Variants in HARS1 observed in about 807,000 individuals in gnomAD.
HARS1 encodes the protein histidyl-tRNA synthetase 1.
Under a neutral mutation model 63.6 loss-of-function variants are expected in HARS1, and 45 were observed. The ratio of observed to expected loss-of-function variants is 0.71; its 90% CI spans 0.56 to 0.91. HARS1 has a LOEUF of 0.91. Among genes scored for constraint, HARS1 ranks in the 40% least tolerant of loss-of-function variants. HARS1 has a pLI of 0.00. For missense variants in HARS1, 508 were observed against 643.2 expected (o/e 0.79, Z 2.27); for synonymous variants, 205 against 247.1 (o/e 0.83, Z 1.60).
intron 2 of HARS1, chr5:140,683,619 G>A (rs769941782): frequency 6.3e-6 from 2 of 319,608 alleles, no homozygotes; most frequent in African/African-American, 2.2e-5. Context: ...ATTGCCTGAG[G>A]TCAGGGGTTC....
intron 2 of HARS1, among the ~76,000 whole-genome samples, chr5:140,685,933 T>G (rs1012786816): frequency 6.8e-6 from 1 of 146,206 alleles, no homozygotes; most frequent in African/African-American, 2.5e-5. Flanking sequence ...AAGAAAGTCT[T>G]TTTTTTTTTT....
rs1026520403 is a variant in HARS1 at position 140,674,253 on chromosome 5, C to T, written c.*4G>A. On this transcript the variant is annotated 3_prime_UTR_variant, in exon 13 of 13. Transcript: ENST00000504156. ...ACTTCCTTTCCTCTGATAGTTTGTTCAGTTCAGCAGATGCAGAGGGGCTGG... is the reference window on the plus strand; with the variant it reads ...ACTTCCTTTCCTCTGATAGTTTGTTTAGTTCAGCAGATGCAGAGGGGCTGG... 2 of 1,582,846 alleles carry T rather than the reference C, an allele frequency of 1.3e-6. No homozygotes were observed. Among genetic ancestry groups the T allele is most frequent in the Non-Finnish European group, 1.7e-6 (2 of 1,151,620 alleles).
Position 140,674,824 on chromosome 5 carries a change from G to A in HARS1, c.1313C>T (p.Ala438Val). ...VSELWDAGIKAELLYKKNPKL... is the reference protein window; with the variant it reads ...VSELWDAGIKVELLYKKNPKL... ...TGGGTTCTTCTTGTACAGCAGCTCA[G>A]CCTGCAGGGGACAAGAGCAGAAGAT... The change falls in exon 12 of 13, where the codon GCT becomes GTT. Residue 438 changes from alanine to valine, a missense_variant and splice_region_variant. This residue lies in a region of HARS1 where 403 missense variants were observed against 548.7 expected (regional missense o/e 0.73). Coordinates refer to ENST00000504156, the MANE Select transcript of HARS1 (RefSeq NM_002109.6). The A allele has an allele frequency of 6.2e-7, 1 of 1,614,172 alleles. No homozygotes were observed. Among genetic ancestry groups the A allele is most frequent in the Non-Finnish European group, 8.5e-7 (1 of 1,180,022 alleles).
chr5:140,690,519 C>T (rs59925457), intron 2 of HARS1, among the ~76,000 whole-genome samples: 29,357 of 152,162 alleles, frequency 0.19, 3,344 homozygotes, highest in East Asian at 0.3. Context: ...AATGTAAGCT[C>T]CATGAGGGTA....
Position 140,691,289 on chromosome 5 carries a change from C to G in HARS1, c.16G>C (p.Ala6Pro), listed in dbSNP as rs530759208. 1 of 1,606,926 alleles carries G rather than the reference C, an allele frequency of 6.2e-7. No homozygotes were observed. The highest frequency in any genetic ancestry group is 1.3e-5 in the African/African-American group (1 of 75,006). Residue 6 changes from alanine (A) to proline (P), a missense_variant, in exon 1 of 13, where the codon GCG becomes CCG. Ala to Pro is a conservative substitution (Grantham distance 27, BLOSUM62 -1). This residue lies in a region of HARS1 where 105 missense variants were observed against 94.5 expected (regional missense o/e 1.11). Transcript: ENST00000504156. MAERA[A>P]LEELVKLQGE... ...TGAAGTTTCACCAGCTCCTCCAGCG[C>G]CGCACGCTCTGCCATCCCGGCTGTC...
At position 140,690,844 on chromosome 5, in the gene HARS1, AATG is replaced by A; in HGVS notation, c.180+8_180+10del. ...GACTTTCTCAGTGGCTCCCTACAGG[AATG>A]ATATTACCTTGGGGGTTTTGAGCAC... On this transcript the variant is annotated splice_region_variant and intron_variant, in intron 2 of 12. Transcript: ENST00000504156. The A allele has an allele frequency of 1.4e-6, 2 of 1,464,192 alleles. No individual in the cohort carries two copies. The highest frequency in any genetic ancestry group is 9.6e-7 in the Non-Finnish European group (1 of 1,043,092). The allele number at this position is 1,464,192 out of a possible 1,614,324, so 90.7% of individuals were successfully genotyped here.
Position 140,674,288 on chromosome 5 carries a change from C to T in HARS1, c.1499G>A (p.Arg500Lys). The T allele has an allele frequency of 1.2e-6, 2 of 1,612,582 alleles. No individual in the cohort carries two copies. The highest frequency in any genetic ancestry group is 1.7e-6 in the Non-Finnish European group (2 of 1,178,612). ...RREDLVEEIKRRTGQPLCIC is the reference protein window; with the variant it reads ...RREDLVEEIKKRTGQPLCIC ...GATGCAGAGGGGCTGGCCTGTTCTCCTTTTGATTTCCTCCACAAGGTCTTC... is the reference window on the plus strand; with the variant it reads ...GATGCAGAGGGGCTGGCCTGTTCTCTTTTTGATTTCCTCCACAAGGTCTTC... The change falls in exon 13 of 13, where the codon AGG (arginine) becomes AAG (lysine). Residue 500 changes from arginine to lysine, a missense_variant. Coordinates refer to ENST00000504156, the MANE Select transcript of HARS1 (RefSeq NM_002109.6).
At position 140,679,839 on chromosome 5, in the gene HARS1, A is replaced by G. The variant is rs771201777; in HGVS notation, c.345T>C (p.Tyr115=). ...GCTCCCCGCCCTGGTCCTTCAGGTC[A>G]TAGATAAGCTTGGAGTCTTCCCCAT... The part of the protein sequence containing the change: ...GKYGEDSKLI[Y]DLKDQGGELL... The change falls in exon 4 of 13, where the codon TAT becomes TAC. Residue 115 remains tyrosine (Y), a synonymous_variant. Coordinates refer to ENST00000504156, the MANE Select transcript of HARS1 (RefSeq NM_002109.6). This position sits in a 1 kb window ranked among gnomAD's most constrained non-coding sequence, Gnocchi z 4.3. 1.2e-6 allele frequency: 2 copies of G among 1,610,478 alleles called. No individual in the cohort carries two copies. Among genetic ancestry groups the G allele is most frequent in the Non-Finnish European group, 1.7e-6 (2 of 1,176,734 alleles).
rs778198496 is a variant in HARS1 at position 140,674,771 on chromosome 5, C to A, written c.1366G>T (p.Glu456Ter). ...PKLLNQLQYC[E>*]EAGIPLVAII... Reference sequence around the variant, plus strand: ...GCCACCAGTGGGATGCCTGCCTCCTCACAGTACTGTAACTGGTTCAGTAGC... The same window carrying A: ...GCCACCAGTGGGATGCCTGCCTCCTAACAGTACTGTAACTGGTTCAGTAGC... The change falls in exon 12 of 13, where the codon GAG becomes TAG. Residue 456 changes from glutamate to a stop codon, truncating the protein, a stop_gained. Coordinates refer to ENST00000504156, the MANE Select transcript of HARS1 (RefSeq NM_002109.6). LOFTEE classifies it high-confidence loss of function. 6.2e-7 allele frequency: 1 copy of A among 1,614,176 alleles called. No individual in the cohort carries two copies. Among genetic ancestry groups the A allele is most frequent in the Non-Finnish European group, 8.5e-7 (1 of 1,180,014 alleles).
In HARS1 at chr5:140,674,181, T is replaced by A; in HGVS notation, c.*76A>T. On this transcript the variant is annotated 3_prime_UTR_variant, in exon 13 of 13. Transcript: ENST00000504156. ...GCTGAAACGGAAAAGTGCAAAGCAATTGAAGTACATATGCAGTTTGTCTTA... is the reference window on the plus strand; with the variant it reads ...GCTGAAACGGAAAAGTGCAAAGCAAATGAAGTACATATGCAGTTTGTCTTA... The A allele has an allele frequency of 1.1e-6, 1 of 892,140 alleles. No individual in the cohort carries two copies. The highest frequency in any genetic ancestry group is 1.9e-6 in the Non-Finnish European group (1 of 520,706). The allele number at this position is 892,140 out of a possible 1,614,324, so 55.3% of individuals were successfully genotyped here.
rs1380528516 is a variant in HARS1 at position 140,681,292 on chromosome 5, G to A, written c.301-1409C>T. ...TAAAGAGATGATTAAGCTAACATGA[G>A]GTCTCCAAGTTGGGCTCTGATCCAA... On this transcript the variant is annotated intron_variant, in intron 3 of 12. Coordinates refer to ENST00000504156, the MANE Select transcript of HARS1 (RefSeq NM_002109.6). 2.0e-5 allele frequency among the ~76,000 whole-genome samples: 3 copies of A among 152,192 alleles called. No homozygotes were observed. In the East Asian group the frequency reaches 5.8e-4, roughly 29 times the overall value.
intron 3 of HARS1, among the ~76,000 whole-genome samples, chr5:140,681,411 T>C (rs1244445372): frequency 6.6e-6 from 1 of 152,102 alleles, no homozygotes; most frequent in Non-Finnish European, 1.5e-5. Flanking sequence ...ATGCCTGTAA[T>C]TCCAGCACTT....
At chr5:140,690,388 G>GC (rs1265551905) in intron 2 of HARS1, among the ~76,000 whole-genome samples, 2 of 152,128 alleles carry the variant, frequency 1.3e-5, no homozygotes, top group East Asian at 3.9e-4. Flanking sequence ...GGAGGCAGCG[G>GC]CTGCAGTGAG....
intron 2 of HARS1, among the ~76,000 whole-genome samples, chr5:140,685,700 A>T (rs1394109104): frequency 6.8e-6 from 1 of 147,350 alleles, no homozygotes; most frequent in East Asian, 2.1e-4. Flanking sequence ...CAGCCTGGTG[A>T]CAGAGTGAGA....
chr5:140,681,752 G>A, intron 3 of HARS1, among the ~76,000 whole-genome samples: 1 of 152,058 alleles, frequency 6.6e-6, no homozygotes, highest in East Asian at 1.9e-4. Flanking sequence ...ATGGCCTTCA[G>A]AAAGAACTAG....
intron 2 of HARS1, chr5:140,683,444 G>T: frequency 9.6e-7 from 1 of 1,042,428 alleles, no homozygotes; most frequent in Non-Finnish European, 1.3e-6. Flanking sequence ...TTAAGTTTGG[G>T]TCTATTTTCT....
intron 2 of HARS1, chr5:140,685,208 GTC>G (rs1758953821): frequency 6.6e-6 from 1 of 150,496 alleles, no homozygotes; most frequent in African/African-American, 2.4e-5. Context: ...AGAACAATTA[GTC>G]TCTCACTTAT....
At position 140,676,790 on chromosome 5, in the gene HARS1, C is replaced by A; in HGVS notation, c.1058G>T (p.Gly353Val). The A allele has an allele frequency of 6.2e-7, 1 of 1,614,278 alleles. No individual in the cohort carries two copies. Among genetic ancestry groups the A allele is most frequent in the Non-Finnish European group, 8.5e-7 (1 of 1,180,056 alleles). ...TPAQAGEEPL[G>V]VGSVAAGGRY... ...TCCTCCAGCAGCCACACTGCCCACA[C>A]CCAGGGGCTCTTCCCCTGCCTGGGC... Residue 353 changes from glycine to valine, a missense_variant, in exon 10 of 13, where the codon GGT (glycine) becomes GTT (valine). Gly to Val is a moderately radical substitution (Grantham distance 109). Coordinates refer to ENST00000504156, the MANE Select transcript of HARS1 (RefSeq NM_002109.6). This position sits in a 1 kb window ranked among gnomAD's most constrained non-coding sequence, Gnocchi z 4.1.
At chr5:140,684,830 T>C (rs1288805517) in intron 2 of HARS1, 2 of 152,228 alleles carry the variant, frequency 1.3e-5, no homozygotes, top group African/African-American at 4.8e-5. Flanking sequence ...ATATCTATTA[T>C]ATGTTAACGC....
Sources: allele counts gnomAD v4.1 joint callset (sites outside exome capture counted in the v4.1 genomes callset), GRCh38; gene constraint gnomAD v4.1.1; regional missense constraint gnomAD v4.1.1; non-coding constraint Gnocchi (gnomAD v3.1); transcripts MANE v1.5; gene names NCBI Gene and HGNC (gene_info 2026-07-23, HGNC 2026-07-21).